The following SLC39A11 variants were observed in gnomAD, a reference collection of about 807,000 sequenced individuals.
SLC39A11 encodes the protein solute carrier family 39 member 11.
In SLC39A11, 33 loss-of-function variants were observed where a neutral mutation model predicts 36.1. The ratio of observed to expected loss-of-function variants is 0.91; its 90% CI spans 0.69 to 1.22. The LOEUF (loss-of-function observed/expected upper bound fraction) is 1.22. Among genes scored for constraint, SLC39A11 ranks in the 50% most tolerant of loss-of-function variants. The pLI, the probability that SLC39A11 is intolerant of heterozygous loss-of-function variation, is 0.00. For missense variants in SLC39A11, 432 were observed against 430.3 expected (o/e 1.00, Z -0.03); for synonymous variants, 166 against 170.3 (o/e 0.97, Z 0.20).
chr17:72,948,929 C>A (rs2147750577), intron 4 of SLC39A11, among the ~76,000 whole-genome samples: 1 of 152,150 alleles, frequency 6.6e-6, no homozygotes, highest in East Asian at 1.9e-4. Flanking sequence ...ACCCCACTGA[C>A]CACTTACAAA....
At chr17:72,903,045 T>A (rs370671647) in intron 5 of SLC39A11, among the ~76,000 whole-genome samples, 1 of 151,820 alleles carries the variant, frequency 6.6e-6, no homozygotes, top group East Asian at 1.9e-4. Context: ...GGTAAGTGGA[T>A]CACCTGAGGT....
At chr17:72,951,450 C>T (rs1213551988) in intron 4 of SLC39A11, among the ~76,000 whole-genome samples, 2 of 152,066 alleles carry the variant, frequency 1.3e-5, no homozygotes, top group African/African-American at 2.4e-5. Flanking sequence ...CTCACCTTCA[C>T]GCATCCCATA....
At chr17:72,649,350 C>T in intron 7 of SLC39A11, 82 bp from the exon 8 acceptor site, 1 of 1,274,646 alleles carries the variant, frequency 7.8e-7, no homozygotes, top group East Asian at 2.5e-5. Flanking sequence ...AGGCCAAGAC[C>T]TCCGTGGGTG....
chr17:72,812,862 G>A (rs1189687338), intron 6 of SLC39A11, among the ~76,000 whole-genome samples: 1 of 152,128 alleles, frequency 6.6e-6, no homozygotes, highest in African/African-American at 2.4e-5. Context: ...CATCCTTACT[G>A]CTTCTTTTGG....
intron 7 of SLC39A11, among the ~76,000 whole-genome samples, chr17:72,674,761 T>C (rs2144216291): frequency 6.6e-6 from 1 of 152,326 alleles, no homozygotes. Flanking sequence ...TGTCCTAGTG[T>C]TGTTACAACT....
intron 3 of SLC39A11, among the ~76,000 whole-genome samples, chr17:73,042,941 C>A (rs183620249): frequency 6.6e-6 from 1 of 152,250 alleles, no homozygotes; most frequent in East Asian, 1.9e-4. Flanking sequence ...GACTGTTACA[C>A]GGCCAACACT....
At chr17:73,052,329 A>C (rs1430059131) in intron 3 of SLC39A11, among the ~76,000 whole-genome samples, 1 of 152,176 alleles carries the variant, frequency 6.6e-6, no homozygotes, top group African/African-American at 2.4e-5. Context: ...AAAAAAAAAC[A>C]GGAAGACTAA....
chr17:72,747,087 A>G (rs2074969755), intron 6 of SLC39A11, among the ~76,000 whole-genome samples: 1 of 152,180 alleles, frequency 6.6e-6, no homozygotes, highest in Admixed American at 6.5e-5. Context: ...ATGTTGAAAC[A>G]TCTATTGCTG....
At chr17:72,686,047 C>A (rs528024282) in intron 7 of SLC39A11, among the ~76,000 whole-genome samples, 194 of 150,566 alleles carry the variant, frequency 1.3e-3, no homozygotes, top group African/African-American at 4.7e-3. Context: ...AAAAAAAAAT[C>A]TATTGACAGG....
intron 3 of SLC39A11, among the ~76,000 whole-genome samples, chr17:73,047,827 G>T (rs1279094373): frequency 6.6e-6 from 1 of 150,996 alleles, no homozygotes; most frequent in Non-Finnish European, 1.5e-5. Context: ...AATTAGCTGG[G>T]CGTGGTGGCA....
chr17:72,995,152 T>C (rs1356522637), intron 4 of SLC39A11, among the ~76,000 whole-genome samples: 3 of 152,230 alleles, frequency 2.0e-5, no homozygotes, highest in Non-Finnish European at 4.4e-5. Flanking sequence ...CCCAGTTCTT[T>C]AGCCCTCCCT....
At chr17:72,689,437 C>T (rs2071916054) in intron 7 of SLC39A11, among the ~76,000 whole-genome samples, 1 of 25,550 alleles carries the variant, frequency 3.9e-5, no homozygotes, top group South Asian at 2.3e-3. Context: ...CAATTCCACT[C>T]CTGGGTATAC....
At chr17:73,072,479 G>A (rs752935780) in intron 3 of SLC39A11, 7 of 152,136 alleles carry the variant, frequency 4.6e-5, no homozygotes, top group African/African-American at 1.2e-4. Flanking sequence ...TTCCCATCAC[G>A]GCACAGAGAA....
chr17:72,842,973 T>C (rs10459884), intron 6 of SLC39A11, among the ~76,000 whole-genome samples: 66,195 of 152,054 alleles, frequency 0.44, 14,715 homozygotes, highest in East Asian at 0.67. Flanking sequence ...TTTTCTGAGA[T>C]GGAGTCTTGC....
chr17:73,026,043 G>A (rs112368248), intron 4 of SLC39A11, among the ~76,000 whole-genome samples: 12,121 of 151,932 alleles, frequency 0.08, 1,004 homozygotes, highest in African/African-American at 0.2. Flanking sequence ...ACTTGAACCC[G>A]GGAGGCGGAG....
chr17:72,929,866 G>A (rs891238131), intron 5 of SLC39A11, among the ~76,000 whole-genome samples: 1 of 152,180 alleles, frequency 6.6e-6, no homozygotes, highest in African/African-American at 2.4e-5. Flanking sequence ...TGTGTTAAAT[G>A]TATGGTACTG....
At chr17:72,729,457 ATTT>A (rs55729197) in intron 7 of SLC39A11, among the ~76,000 whole-genome samples, 34 of 7,236 alleles carry the variant, frequency 4.7e-3, no homozygotes, top group African/African-American at 6.0e-3. Flanking sequence ...ATATATATAT[ATTT>A]TTTTTTTTTT....
At chr17:72,988,622 C>G (rs1291165131) in intron 4 of SLC39A11, among the ~76,000 whole-genome samples, 1 of 152,068 alleles carries the variant, frequency 6.6e-6, no homozygotes, top group African/African-American at 2.4e-5. Flanking sequence ...TAAACAACAA[C>G]TCCCCTTTTC....
intron 4 of SLC39A11, among the ~76,000 whole-genome samples, chr17:73,002,140 G>C (rs978674506): frequency 6.6e-6 from 1 of 151,978 alleles, no homozygotes; most frequent in African/African-American, 2.4e-5. Context: ...GTATCACTAA[G>C]AAAGAAAAAT....
Sources: gnomAD v4.1 joint callset for allele counts (sites outside exome capture counted in the v4.1 genomes callset) on GRCh38, gnomAD v4.1.1 for gene constraint, MANE v1.5 for transcripts, NCBI Gene and HGNC (gene_info 2026-07-23, HGNC 2026-07-21) for gene names.